WFS1: variants seen among roughly 807,000 people sequenced by gnomAD.
The protein encoded by WFS1 is wolframin ER transmembrane glycoprotein, also known as wolframin.
Under a neutral mutation model 68.5 loss-of-function variants are expected in WFS1, and 90 were observed. That is an observed-to-expected ratio of 1.31 (90% confidence interval 1.11 to 1.56). WFS1 has a LOEUF of 1.56. Ranked by LOEUF, WFS1 falls within the 40% of genes most tolerant of loss-of-function variation. The pLI is 0.00. For synonymous variants in WFS1, 860 were observed against 540.7 expected (o/e 1.59, Z -8.19); for missense variants, 1,767 against 1,232.6 (o/e 1.43, Z -6.49).
chr4:6,282,734 G>A (rs113254625), intron 2 of WFS1, among the ~76,000 whole-genome samples: 2,362 of 152,308 alleles, frequency 0.016, 75 homozygotes, highest in African/African-American at 0.054. Context: ...CCCCTTGGGT[G>A]GGTTTGATGT....
Position 6,289,017 on chromosome 4 carries a change from G to T in WFS1, c.346G>T (p.Asp116Tyr). ...VGKHYLQLAG[D>Y]TDEELNSCTA... ...GAAGCACTACCTGCAGTTGGCCGGC[G>T]ACACGGATGAAGAACTCAACAGCTG... Residue 116 changes from aspartate (D) to tyrosine (Y), a missense_variant, in exon 4 of 8, where the codon GAC (aspartate) becomes TAC (tyrosine). By Grantham distance (160) the Asp-to-Tyr change is radical. Coordinates refer to ENST00000226760, the MANE Select transcript of WFS1 (RefSeq NM_006005.3). The T allele has an allele frequency of 1.9e-6, 3 of 1,608,226 alleles. No individual in the cohort carries two copies. Among genetic ancestry groups the T allele is most frequent in the Non-Finnish European group, 2.5e-6 (3 of 1,177,754 alleles).
In WFS1 at chr4:6,283,779, A is replaced by G. The variant is rs527575225; in HGVS notation, c.233-3314A>G. The stretch of plus-strand genomic sequence containing the variant: ...GGGAGGGGGCAGTGCCACCCAGACC[A>G]TGAGGACTGAGAGTGGCGGGGTTCC... On this transcript the variant is annotated intron_variant, in intron 2 of 7. Transcript: ENST00000226760. The surrounding 1 kb of genome is among the most constrained non-coding windows in gnomAD (Gnocchi z 5.0). Among the ~76,000 whole-genome samples, 4 of 152,270 alleles carry G rather than the reference A, an allele frequency of 2.6e-5. No homozygotes were observed. In the South Asian group the frequency reaches 8.3e-4, roughly 32 times the overall value.
intron 7 of WFS1, among the ~76,000 whole-genome samples, chr4:6,295,913 C>T (rs921028982): frequency 2.4e-4 from 37 of 152,256 alleles, no homozygotes; most frequent in African/African-American, 8.4e-4. Context: ...TCTCACTCTG[C>T]AGAGAACACC....
intron 7 of WFS1, among the ~76,000 whole-genome samples, chr4:6,295,795 G>C (rs907201041): frequency 6.6e-6 from 1 of 152,230 alleles, no homozygotes; most frequent in Non-Finnish European, 1.5e-5. Context: ...CCAGCAGTGC[G>C]GGCCCTACTC....
At chr4:6,296,307 G>A (rs1191923263) in intron 7 of WFS1, among the ~76,000 whole-genome samples, 2 of 152,248 alleles carry the variant, frequency 1.3e-5, no homozygotes, top group Admixed American at 6.5e-5. Context: ...GGGACTCGGA[G>A]CCAGACAGGT....
chr4:6,296,739 C>T (rs565423016), intron 7 of WFS1, among the ~76,000 whole-genome samples: 2 of 152,226 alleles, frequency 1.3e-5, no homozygotes, highest in Non-Finnish European at 2.9e-5. Context: ...TATAATAATG[C>T]CTCCTTGCAT....
Position 6,287,593 on chromosome 4 carries a change from T to C in WFS1, c.315+418T>C, listed in dbSNP as rs986804132. On this transcript the variant is annotated intron_variant, in intron 3 of 7. Transcript: ENST00000226760. The surrounding 1 kb of genome is among the most constrained non-coding windows in gnomAD (Gnocchi z 6.4). ...AGAGCGGTGACCATTCACTTGGGCA[T>C]CAGCCAAGGGCTGGGCTTTGTGCCA... Among the ~76,000 whole-genome samples, 4 of 152,224 alleles carry C rather than the reference T, an allele frequency of 2.6e-5. No individual in the cohort carries two copies. Among genetic ancestry groups the C allele is most frequent in the African/African-American group, 9.6e-5 (4 of 41,460 alleles).
rs781493736 is a variant in WFS1, at chr4:6,277,589, G to T, written c.134G>T (p.Gly45Val). The T allele has an allele frequency of 6.3e-7, 1 of 1,581,332 alleles. No individual in the cohort carries two copies. Among genetic ancestry groups the T allele is most frequent in the Non-Finnish European group, 8.6e-7 (1 of 1,163,956 alleles). Residue 45 changes from glycine to valine, a missense_variant, in exon 2 of 8, where the codon GGA (glycine) becomes GTA (valine). Gly to Val is a moderately radical substitution (Grantham distance 109). Transcript: ENST00000226760. Reference protein sequence around the residue: ...QERSERPRAPGPQAGPGPGVR... With the variant: ...QERSERPRAPVPQAGPGPGVR... ...AGGAGCGAAAGGCCCCGAGCACCCGGACCCCAGGCTGGCCCTGGCCCTGGT... is the reference window on the plus strand; with the variant it reads ...AGGAGCGAAAGGCCCCGAGCACCCGTACCCCAGGCTGGCCCTGGCCCTGGT...
At position 6,301,264 on chromosome 4, in the gene WFS1, C is replaced by A; in HGVS notation, c.1469C>A (p.Thr490Asn). 6.2e-7 allele frequency: 1 copy of A among 1,611,356 alleles called. No homozygotes were observed. The highest frequency in any genetic ancestry group is 8.5e-7 in the Non-Finnish European group (1 of 1,180,032). Residue 490 changes from threonine to asparagine, a missense_variant, in exon 8 of 8, where the codon ACC (threonine) becomes AAC (asparagine). Physicochemically the swap from Thr to Asn is moderately conservative, Grantham distance 65. Coordinates refer to ENST00000226760, the MANE Select transcript of WFS1 (RefSeq NM_006005.3). ...AAGGTCCTTGGCCAGACCTTCATCACCGTGCCTGTCGGCCACCTGGTCGTC... is the reference window on the plus strand; with the variant it reads ...AAGGTCCTTGGCCAGACCTTCATCAACGTGCCTGTCGGCCACCTGGTCGTC... ...YLKVLGQTFI[T>N]VPVGHLVVLN...
intron 1 of WFS1, among the ~76,000 whole-genome samples, chr4:6,276,507 G>A (rs1172403286): frequency 2.6e-5 from 4 of 152,170 alleles, no homozygotes; most frequent in Non-Finnish European, 4.4e-5. Flanking sequence ...TGGGGCATCA[G>A]TCCTCTGACT....
intron 1 of WFS1, among the ~76,000 whole-genome samples, chr4:6,276,010 A>C (rs183895353): frequency 6.6e-6 from 1 of 152,306 alleles, no homozygotes; most frequent in East Asian, 1.9e-4. Context: ...TCAGGACCAC[A>C]CAGCTGGTGG....
chr4:6,276,794 C>A (rs1730008004), intron 1 of WFS1, among the ~76,000 whole-genome samples: 1 of 152,238 alleles, frequency 6.6e-6, no homozygotes, highest in African/African-American at 2.4e-5. Flanking sequence ...AAGGTGTGGG[C>A]AGGGTGGGTC....
At chr4:6,279,282 G>C (rs562498996) in intron 2 of WFS1, among the ~76,000 whole-genome samples, 1 of 152,192 alleles carries the variant, frequency 6.6e-6, no homozygotes, top group Non-Finnish European at 1.5e-5. Context: ...TAACAACAAG[G>C]GTAGCTATTT....
Position 6,285,157 on chromosome 4 carries a change from GCGTCCA to G in WFS1, c.233-1935_233-1930del, listed in dbSNP as rs1730276233. ...GAGCCCGAAACTCTGTGCAAGAGTT[GCGTCCA>G]GGGAGAGTTACATCCAGGGAGAGTT... On this transcript the variant is annotated intron_variant, in intron 2 of 7. Coordinates refer to ENST00000226760, the MANE Select transcript of WFS1 (RefSeq NM_006005.3). Among the ~76,000 whole-genome samples the G allele has an allele frequency of 5.1e-5, 3 of 59,362 alleles. No individual in the cohort carries two copies. The South Asian group carries it at 1.8e-3, about 35-fold the overall frequency. 38.9% of individuals were successfully genotyped at this position (59,362 alleles called of 152,430 possible). A position where few individuals can be genotyped will look rare whatever the true frequency, so the allele number is the denominator to read the frequency against.
intron 1 of WFS1, among the ~76,000 whole-genome samples, chr4:6,270,908 C>A (rs552949081): frequency 6.4e-4 from 98 of 152,320 alleles, no homozygotes; most frequent in African/African-American, 2.2e-3. Context: ...AGCCCAGGAC[C>A]ACGAAGCTGA....
chr4:6,294,900 G>C, intron 6 of WFS1, 141 bp from the exon 7 acceptor site: 1 of 1,434,298 alleles, frequency 7.0e-7, no homozygotes, highest in Non-Finnish European at 9.7e-7. Flanking sequence ...GGCCGCCCAG[G>C]GAAGGGTTTC....
Position 6,295,100 on chromosome 4 carries a change from G to A in WFS1, c.772G>A (p.Val258Ile), listed in dbSNP as rs757414862. 3.7e-5 allele frequency: 59 copies of A among 1,613,358 alleles called. No homozygotes were observed. In the East Asian group the frequency reaches 6.9e-4, roughly 19 times the overall value. The part of the protein sequence containing the change: ...VEITKKYAKG[V>I]IPSSLFLQDD... ...GATCACTAAGAAGTACGCCAAGGGCGTCATCCCCAGCAGCCTGTTCCTGCA... is the reference window on the plus strand; with the variant it reads ...GATCACTAAGAAGTACGCCAAGGGCATCATCCCCAGCAGCCTGTTCCTGCA... Residue 258 changes from valine (V) to isoleucine (I), a missense_variant, in exon 7 of 8, where the codon GTC becomes ATC. Coordinates refer to ENST00000226760, the MANE Select transcript of WFS1 (RefSeq NM_006005.3).
At chr4:6,297,110 G>A (rs1489264551) in intron 7 of WFS1, among the ~76,000 whole-genome samples, 1 of 152,242 alleles carries the variant, frequency 6.6e-6, no homozygotes, top group Admixed American at 6.5e-5. Context: ...ATTCAGGCGT[G>A]AGACACTGTA....
In WFS1 at chr4:6,301,599, G is replaced by A; in HGVS notation, c.1804G>A (p.Ala602Thr). The part of the protein sequence containing the change: ...LELTKIAVTV[A>T]VCSVPLLLRW... The stretch of plus-strand genomic sequence containing the variant: ...GCTCACCAAGATCGCAGTCACCGTG[G>A]CGGTCTGTAGTGTGCCCCTGCTGTT... The change falls in exon 8 of 8, where the codon GCG (alanine) becomes ACG (threonine). Residue 602 changes from alanine (A) to threonine (T), a missense_variant. Transcript: ENST00000226760. 6.2e-7 allele frequency: 1 copy of A among 1,614,148 alleles called. No homozygotes were observed. The highest frequency in any genetic ancestry group is 8.5e-7 in the Non-Finnish European group (1 of 1,180,022).
Sources: allele counts gnomAD v4.1 joint callset (sites outside exome capture counted in the v4.1 genomes callset), GRCh38; gene constraint gnomAD v4.1.1; non-coding constraint Gnocchi (gnomAD v3.1); transcripts MANE v1.5; gene names NCBI Gene and HGNC (gene_info 2026-07-23, HGNC 2026-07-21).